Variants in PDE8B observed in about 807,000 individuals in gnomAD.
PDE8B encodes phosphodiesterase 8B, also known as high affinity cAMP-specific and IBMX-insensitive 3',5'-cyclic phosphodiesterase 8B.
Under a neutral mutation model 101.3 loss-of-function variants are expected in PDE8B, and 26 were observed. That is an observed-to-expected ratio of 0.26 (90% CI 0.19 to 0.36). The LOEUF (loss-of-function observed/expected upper bound fraction) is 0.36, where lower values mean the gene tolerates loss of function less well. PDE8B is among the 10% of genes least tolerant of loss of function. PDE8B has a pLI of 1.00. For synonymous variants in PDE8B, 424 were observed against 429.3 expected (o/e 0.99, Z 0.15); for missense variants, 810 against 1,163.1 (o/e 0.70, Z 4.42).
intron 2 of PDE8B, among the ~76,000 whole-genome samples, chr5:77,315,666 T>A (rs980001204): frequency 6.6e-6 from 1 of 152,252 alleles, no homozygotes; most frequent in Non-Finnish European, 1.5e-5. Flanking sequence ...TCTATCAGTT[T>A]CTAATTACAG....
the PDE8B span, among the ~76,000 whole-genome samples, chr5:77,137,641 AC>A: frequency 6.6e-6 from 1 of 152,148 alleles, no homozygotes; most frequent in Non-Finnish European, 1.5e-5. Context: ...CCCTCTGTGT[AC>A]CCTGCAGAAA....
At chr5:77,205,677 T>C (rs1747442698), upstream of PDE8B, among the ~76,000 whole-genome samples, 1 of 152,240 alleles carries the variant, frequency 6.6e-6, no homozygotes, top group African/African-American at 2.4e-5. Flanking sequence ...ATGGTTTTTA[T>C]GCACTGAAAC....
chr5:77,111,780 TGTCCC>T, the PDE8B span: 1 of 152,098 alleles, frequency 6.6e-6, no homozygotes, highest in Non-Finnish European at 1.5e-5. Flanking sequence ...CTGATTGCAG[TGTCCC>T]TAATCTTTTC....
the PDE8B span, chr5:77,112,124 A>G: frequency 2.6e-5 from 4 of 152,222 alleles, no homozygotes; most frequent in African/African-American, 7.2e-5. Context: ...CACGTATTTT[A>G]TATTTACAAT....
At chr5:77,259,031 AACACACAC>A (rs371906795) in intron 1 of PDE8B, among the ~76,000 whole-genome samples, 3 of 134,252 alleles carry the variant, frequency 2.2e-5, no homozygotes, top group Non-Finnish European at 4.6e-5. Flanking sequence ...CCCTGCCTCC[AACACACAC>A]ACACACACAG....
intron 1 of PDE8B, among the ~76,000 whole-genome samples, chr5:77,305,165 G>A (rs1770898521): frequency 6.6e-6 from 1 of 152,178 alleles, no homozygotes; most frequent in South Asian, 2.1e-4. Context: ...AGACACTTGG[G>A]CCCCATTCTT....
At chr5:77,100,965 C>CTT in the PDE8B span, among the ~76,000 whole-genome samples, 111 of 124,370 alleles carry the variant, frequency 8.9e-4, no homozygotes, top group East Asian at 2.7e-3. Context: ...ATTTTTTTTC[C>CTT]TTTTTTTTTT....
chr5:77,264,459 A>G (rs1761274364), intron 1 of PDE8B, among the ~76,000 whole-genome samples: 1 of 152,230 alleles, frequency 6.6e-6, no homozygotes, highest in South Asian at 2.1e-4. Flanking sequence ...TAGTGGGGAC[A>G]ATTTTCAGAA....
intron 1 of PDE8B, among the ~76,000 whole-genome samples, chr5:77,231,042 A>G (rs1561383238): frequency 6.6e-6 from 1 of 152,206 alleles, no homozygotes; most frequent in South Asian, 2.1e-4. Context: ...AATCATTGGA[A>G]GCACTAGAAT....
chr5:77,354,597 TC>T (rs1781748861), intron 10 of PDE8B, among the ~76,000 whole-genome samples: 1 of 152,134 alleles, frequency 6.6e-6, no homozygotes, highest in Non-Finnish European at 1.5e-5. Flanking sequence ...GAGACAAACT[TC>T]TGAACACAAG....
chr5:77,412,634 G>GC (rs1343469347), intron 16 of PDE8B, among the ~76,000 whole-genome samples: 1 of 152,052 alleles, frequency 6.6e-6, no homozygotes, highest in Non-Finnish European at 1.5e-5. Flanking sequence ...CTAGGAGAAG[G>GC]CTGTTTCTTC....
chr5:77,115,434 A>G, the PDE8B span: 3 of 152,366 alleles, frequency 2.0e-5, no homozygotes, highest in South Asian at 6.2e-4. Flanking sequence ...GATGGAGAAT[A>G]GAAAGGAATA....
chr5:77,363,729 AG>A (rs1398129195), intron 10 of PDE8B, among the ~76,000 whole-genome samples: 1 of 148,882 alleles, frequency 6.7e-6, no homozygotes, highest in Non-Finnish European at 1.5e-5. Context: ...AAAAAAAAAA[AG>A]AATATGTCAT....
chr5:77,255,625 C>T (rs1758976307), intron 1 of PDE8B, among the ~76,000 whole-genome samples: 1 of 152,238 alleles, frequency 6.6e-6, no homozygotes, highest in Non-Finnish European at 1.5e-5. Context: ...GCCTCCGTGT[C>T]TGCCTTGCAG....
chr5:77,258,220 C>A (rs970781858), intron 1 of PDE8B, among the ~76,000 whole-genome samples: 1 of 137,008 alleles, frequency 7.3e-6, no homozygotes, highest in Admixed American at 8.4e-5. Context: ...ACTGGGGAGG[C>A]GGAGGTTGTA....
chr5:77,090,123 G>C, the PDE8B span, among the ~76,000 whole-genome samples: 1 of 152,236 alleles, frequency 6.6e-6, no homozygotes, highest in Non-Finnish European at 1.5e-5. Context: ...GAAGGGTGTA[G>C]AGGTGGGGGA....
chr5:77,219,950 A>T (rs1378709527), intron 1 of PDE8B, among the ~76,000 whole-genome samples: 2 of 152,220 alleles, frequency 1.3e-5, no homozygotes, highest in African/African-American at 4.8e-5. Flanking sequence ...TCCATCTGTC[A>T]TGTGCAGCCT....
intron 21 of PDE8B, 72 bp downstream of exon 21, chr5:77,425,968 G>C (rs1798015581): frequency 1.4e-6 from 2 of 1,454,712 alleles, no homozygotes; most frequent in Non-Finnish European, 1.9e-6. Flanking sequence ...AGTGACACAG[G>C]GTGAGCCTAA....
intron 17 of PDE8B, among the ~76,000 whole-genome samples, chr5:77,417,708 T>C (rs1190117527): frequency 6.6e-6 from 1 of 152,218 alleles, no homozygotes; most frequent in Non-Finnish European, 1.5e-5. Context: ...TTAGCCTTAA[T>C]TTTCCTGGCA....
Sources: gnomAD v4.1 joint callset for allele counts (sites outside exome capture counted in the v4.1 genomes callset) on GRCh38, gnomAD v4.1.1 for gene constraint, MANE v1.5 for transcripts, NCBI Gene and HGNC (gene_info 2026-07-23, HGNC 2026-07-21) for gene names.